The following MS4A4A variants were observed in gnomAD, a reference collection of about 807,000 sequenced individuals.
MS4A4A encodes the protein membrane spanning 4-domains A4A.
A neutral mutation model predicts 28.0 loss-of-function variants in MS4A4A; 26 were observed. The observed-to-expected ratio is 0.93, with a 90% confidence interval of 0.68 to 1.29. The LOEUF (loss-of-function observed/expected upper bound fraction) is 1.29, where lower values mean the gene tolerates loss of function less well. MS4A4A is among the 50% of genes most tolerant of loss of function. The probability of loss-of-function intolerance (pLI) is 0.00; values close to 1 mark genes in which losing one functional copy is unlikely to be tolerated. For synonymous variants in MS4A4A, 86 were observed against 100.8 expected (o/e 0.85, Z 0.88); for missense variants, 290 against 293.1 (o/e 0.99, Z 0.08).
At chr11:60,300,645 T>C (rs1320250113) in intron 3 of MS4A4A, among the ~76,000 whole-genome samples, 2 of 135,750 alleles carry the variant, frequency 1.5e-5, no homozygotes, top group Non-Finnish European at 3.2e-5. Flanking sequence ...AAAAAAAAAT[T>C]CTAAATGAGA....
intron 2 of MS4A4A, among the ~76,000 whole-genome samples, chr11:60,296,661 T>C (rs1332550213): frequency 1.3e-5 from 2 of 152,158 alleles, no homozygotes; most frequent in East Asian, 3.8e-4. Flanking sequence ...TTTGATAAGT[T>C]GTTGAAATGT....
chr11:60,280,867 C>T (rs2084749874), intron 1 of MS4A4A, 151 bp downstream of exon 1: 2 of 827,352 alleles, frequency 2.4e-6, no homozygotes, highest in Non-Finnish European at 3.8e-6. Flanking sequence ...GTTGAGTGCA[C>T]CTTTAAATGT....
At chr11:60,299,923 A>G (rs1320027216) in intron 3 of MS4A4A, among the ~76,000 whole-genome samples, 2 of 152,244 alleles carry the variant, frequency 1.3e-5, no homozygotes, top group Non-Finnish European at 2.9e-5. Flanking sequence ...ATATTAAAAA[A>G]TGTTTGTAGA....
intron 1 of MS4A4A, among the ~76,000 whole-genome samples, chr11:60,285,264 G>A (rs1447526847): frequency 6.6e-6 from 1 of 152,204 alleles, no homozygotes; most frequent in Non-Finnish European, 1.5e-5. Context: ...AGCACTACTG[G>A]ATGCTGAGAC....
intron 3 of MS4A4A, 97 bp downstream of exon 3, chr11:60,297,422 T>C (rs1373352568): frequency 1.4e-5 from 20 of 1,409,262 alleles, no homozygotes; most frequent in Middle Eastern, 1.9e-4. Flanking sequence ...CTTGTAATTC[T>C]GTAAATCTGA....
chr11:60,303,434 G>A (rs555745545), intron 5 of MS4A4A, among the ~76,000 whole-genome samples: 4 of 152,296 alleles, frequency 2.6e-5, no homozygotes, highest in Admixed American at 6.5e-5. Flanking sequence ...CTGGCAGGGC[G>A]CAGTGGCTCA....
intron 5 of MS4A4A, chr11:60,305,819 A>G: frequency 2.7e-6 from 1 of 367,336 alleles, no homozygotes; most frequent in Non-Finnish European, 4.9e-6. Flanking sequence ...TTATCTTTAT[A>G]CTACCTTCCT....
intron 2 of MS4A4A, 50 bp from the exon 3 acceptor site, chr11:60,297,147 C>T (rs1427222264): frequency 6.2e-7 from 1 of 1,607,556 alleles, no homozygotes; most frequent in Admixed American, 1.7e-5. Context: ...GTGGCGGAAG[C>T]ACCATTTTTG....
intron 1 of MS4A4A, among the ~76,000 whole-genome samples, chr11:60,288,534 A>G (rs2084822285): frequency 6.6e-6 from 1 of 152,156 alleles, no homozygotes; most frequent in Non-Finnish European, 1.5e-5. Context: ...GCTCCAGGGA[A>G]AGAGGGGTGC....
chr11:60,290,154 A>G (rs781278370), intron 1 of MS4A4A: 5 of 422,610 alleles, frequency 1.2e-5, no homozygotes. Context: ...TTTCTCCTTT[A>G]CTACTGACTT....
chr11:60,307,835 G>A (rs1273866951), intron 6 of MS4A4A, among the ~76,000 whole-genome samples: 1 of 152,138 alleles, frequency 6.6e-6, no homozygotes, highest in East Asian at 1.9e-4. Context: ...TTTACCCAAC[G>A]TACTGTGCAC....
At chr11:60,283,836 G>T (rs1044630812) in intron 1 of MS4A4A, among the ~76,000 whole-genome samples, 2 of 152,176 alleles carry the variant, frequency 1.3e-5, no homozygotes, top group African/African-American at 4.8e-5. Flanking sequence ...GTGCTAAAGT[G>T]TATATATAGG....
At chr11:60,290,107 A>T (rs2135015993) in intron 1 of MS4A4A, 1 of 445,034 alleles carries the variant, frequency 2.2e-6, no homozygotes, top group South Asian at 1.6e-5. Context: ...ACTTATTCAG[A>T]GACTGATTGC....
At chr11:60,306,331 G>A (rs1590763562) in intron 6 of MS4A4A, 130 bp downstream of exon 6, 1 of 777,760 alleles carries the variant, frequency 1.3e-6, no homozygotes, top group East Asian at 2.7e-5. Context: ...AAGAGTCTGA[G>A]CCCAGCTGAA....
intron 1 of MS4A4A, among the ~76,000 whole-genome samples, chr11:60,285,764 C>A (rs1248726846): frequency 6.6e-6 from 1 of 152,108 alleles, no homozygotes; most frequent in Non-Finnish European, 1.5e-5. Context: ...TAAAAGATCA[C>A]AAGGGCAGAA....
chr11:60,286,536 C>G (rs553735434), intron 1 of MS4A4A, among the ~76,000 whole-genome samples: 2 of 152,274 alleles, frequency 1.3e-5, no homozygotes, highest in East Asian at 3.9e-4. Context: ...TGGCTTCAGC[C>G]GGTCCCTCCG....
chr11:60,305,973 G>A (rs555399940), intron 5 of MS4A4A, 127 bp from the exon 6 acceptor site: 14 of 682,594 alleles, frequency 2.1e-5, no homozygotes, highest in South Asian at 9.7e-5. Context: ...GGGTATGGCT[G>A]CCATTGGGAG....
chr11:60,288,325 T>C (rs962587813), intron 1 of MS4A4A, among the ~76,000 whole-genome samples: 2 of 152,200 alleles, frequency 1.3e-5, no homozygotes, highest in Admixed American at 6.5e-5. Context: ...ACAAGTATTA[T>C]AGTGGCTGTG....
intron 2 of MS4A4A, among the ~76,000 whole-genome samples, chr11:60,295,846 T>A (rs1282438163): frequency 3.3e-5 from 5 of 152,164 alleles, no homozygotes; most frequent in Admixed American, 2.0e-4. Flanking sequence ...TCCCAAGTGG[T>A]CATGGTACAC....
Sources: allele counts gnomAD v4.1 joint callset (sites outside exome capture counted in the v4.1 genomes callset), GRCh38; gene constraint gnomAD v4.1.1; transcripts MANE v1.5; gene names NCBI Gene and HGNC (gene_info 2026-07-23, HGNC 2026-07-21).